The following RABGAP1L variants were observed in gnomAD, a reference collection of about 807,000 sequenced individuals.
RABGAP1L encodes rab GTPase-activating protein 1-like.
In RABGAP1L, 63 loss-of-function variants were observed where a neutral mutation model predicts 137.7. That is an observed-to-expected ratio of 0.46 (90% CI 0.37 to 0.56). The LOEUF is 0.56. Ranked by LOEUF, RABGAP1L falls within the 20% of genes least tolerant of loss-of-function variation. The probability of loss-of-function intolerance (pLI) is 0.00; values close to 1 mark genes in which losing one functional copy is unlikely to be tolerated. For missense variants in RABGAP1L, 1,095 were observed against 1,244.0 expected (o/e 0.88, Z 1.80); for synonymous variants, 431 against 433.7 (o/e 0.99, Z 0.08).
At chr1:174,702,367 C>A in intron 17 of RABGAP1L, 111 bp downstream of exon 17, 1 of 815,596 alleles carries the variant, frequency 1.2e-6, no homozygotes, top group Non-Finnish European at 1.8e-6. Context: ...CATAAATACT[C>A]ACTGACCAAA....
intron 13 of RABGAP1L, among the ~76,000 whole-genome samples, chr1:174,463,290 A>C (rs564584951): frequency 6.6e-6 from 1 of 152,110 alleles, no homozygotes; most frequent in Admixed American, 6.6e-5. Flanking sequence ...AGACTGGATT[A>C]AGAAAATGTG....
intron 13 of RABGAP1L, among the ~76,000 whole-genome samples, chr1:174,564,176 A>T (rs758966020): frequency 1.3e-5 from 2 of 152,192 alleles, no homozygotes; most frequent in African/African-American, 2.4e-5. Flanking sequence ...TTTTAATCTC[A>T]TATCATATCT....
At chr1:174,515,139 G>A (rs6668053) in intron 13 of RABGAP1L, among the ~76,000 whole-genome samples, 88,339 of 151,892 alleles carry the variant, frequency 0.58, 27,996 homozygotes, top group African/African-American at 0.85. Context: ...TATAGTCATG[G>A]TTTTGTACAA....
At chr1:174,551,170 C>T (rs1335454603) in intron 13 of RABGAP1L, among the ~76,000 whole-genome samples, 1 of 150,046 alleles carries the variant, frequency 6.7e-6, no homozygotes, top group Admixed American at 6.7e-5. Flanking sequence ...GATCGCACCA[C>T]TGCACTCCAG....
At chr1:174,633,775 C>T in intron 13 of RABGAP1L, among the ~76,000 whole-genome samples, 1 of 141,378 alleles carries the variant, frequency 7.1e-6, no homozygotes, top group Non-Finnish European at 1.5e-5. Flanking sequence ...GAAAAACAAG[C>T]AGTGGGGAAA....
chr1:174,277,169 A>G (rs186804032), intron 9 of RABGAP1L, among the ~76,000 whole-genome samples: 2 of 152,208 alleles, frequency 1.3e-5, no homozygotes, highest in African/African-American at 2.4e-5. Flanking sequence ...ACATACATTG[A>G]TCACATATTA....
At chr1:174,881,113 G>A (rs1654126036) in intron 19 of RABGAP1L, among the ~76,000 whole-genome samples, 1 of 152,030 alleles carries the variant, frequency 6.6e-6, no homozygotes, top group African/African-American at 2.4e-5. Flanking sequence ...GAGACTGGGA[G>A]GGAGAAAAAA....
chr1:174,720,146 G>T (rs1229238956), intron 17 of RABGAP1L, among the ~76,000 whole-genome samples: 3 of 152,046 alleles, frequency 2.0e-5, no homozygotes, highest in Non-Finnish European at 4.4e-5. Context: ...CGTATTTGTG[G>T]GCATTTGATT....
intron 12 of RABGAP1L, among the ~76,000 whole-genome samples, chr1:174,378,460 T>A (rs1478624946): frequency 2.6e-5 from 4 of 151,378 alleles, no homozygotes; most frequent in Non-Finnish European, 4.4e-5. Context: ...GTTTCCTGAC[T>A]TTTTAATGAT....
intron 19 of RABGAP1L, among the ~76,000 whole-genome samples, chr1:174,887,852 T>C (rs1001378644): frequency 3.3e-5 from 5 of 151,968 alleles, no homozygotes; most frequent in Non-Finnish European, 7.4e-5. Flanking sequence ...CTGGCCAACA[T>C]AGCAAAACCC....
chr1:174,587,590 T>C (rs1258824238), intron 13 of RABGAP1L, among the ~76,000 whole-genome samples: 1 of 152,008 alleles, frequency 6.6e-6, no homozygotes, highest in African/African-American at 2.4e-5. Flanking sequence ...TCAGACACTA[T>C]AAAGGGATTC....
Position 174,226,950 on chromosome 1 carries a change from G to A in RABGAP1L, c.332-4195G>A, listed in dbSNP as rs111334561. ...ACTTGTTTATGGTGTGGCTTGCAAAGTAAAATGGTTTTTACATTTTTAAAT... is the reference window on the plus strand; with the variant it reads ...ACTTGTTTATGGTGTGGCTTGCAAAATAAAATGGTTTTTACATTTTTAAAT... On this transcript the variant is annotated intron_variant, in intron 3 of 25. Coordinates refer to ENST00000681986, the MANE Select transcript of RABGAP1L (RefSeq NM_001366446.1). 1.2e-3 allele frequency among the ~76,000 whole-genome samples: 185 copies of A among 152,162 alleles called. 1 individual carries two copies. Among genetic ancestry groups the A allele is most frequent in the African/African-American group, 4.3e-3 (180 of 41,524 alleles).
At chr1:174,257,041 A>C (rs946733999) in intron 7 of RABGAP1L, among the ~76,000 whole-genome samples, 3 of 151,114 alleles carry the variant, frequency 2.0e-5, no homozygotes, top group Non-Finnish European at 4.4e-5. Flanking sequence ...ATTTAACCCC[A>C]CCTCCTCCCC....
chr1:174,596,709 C>G (rs1260203303), intron 13 of RABGAP1L, among the ~76,000 whole-genome samples: 1 of 152,102 alleles, frequency 6.6e-6, no homozygotes, highest in Non-Finnish European at 1.5e-5. Flanking sequence ...ACCTTTATTT[C>G]TTTATCTTAT....
chr1:174,493,775 C>G (rs1284267039), intron 13 of RABGAP1L, among the ~76,000 whole-genome samples: 1 of 142,422 alleles, frequency 7.0e-6, no homozygotes, highest in African/African-American at 2.6e-5. Flanking sequence ...GAGCCGAGAT[C>G]ATGTCAGTGC....
intron 13 of RABGAP1L, among the ~76,000 whole-genome samples, chr1:174,423,324 T>C (rs1318718562): frequency 1.3e-5 from 2 of 152,204 alleles, no homozygotes; most frequent in Non-Finnish European, 2.9e-5. Context: ...TTTGTGTCTT[T>C]AGACTGCATC....
chr1:174,564,931 G>GA (rs145879720), intron 13 of RABGAP1L, among the ~76,000 whole-genome samples: 7,940 of 152,004 alleles, frequency 0.052, 677 homozygotes, highest in African/African-American at 0.18. Flanking sequence ...CCCCCTGCCC[G>GA]AAAAAAGTTA....
chr1:174,914,061 T>G (rs2149205275), intron 19 of RABGAP1L, among the ~76,000 whole-genome samples: 1 of 152,362 alleles, frequency 6.6e-6, no homozygotes, highest in African/African-American at 2.4e-5. Context: ...ATGGCTGGTC[T>G]GCAAACAGTC....
chr1:174,912,399 T>A (rs1179498118), intron 19 of RABGAP1L, among the ~76,000 whole-genome samples: 1 of 152,200 alleles, frequency 6.6e-6, no homozygotes, highest in African/African-American at 2.4e-5. Flanking sequence ...CACCTTGGCC[T>A]CCTAAAGTGC....
Sources: gnomAD v4.1 joint callset for allele counts (sites outside exome capture counted in the v4.1 genomes callset) on GRCh38, gnomAD v4.1.1 for gene constraint, MANE v1.5 for transcripts, NCBI Gene and HGNC (gene_info 2026-07-23, HGNC 2026-07-21) for gene names.